The following SYNPO2 variants were observed in gnomAD, a reference collection of about 807,000 sequenced individuals.
SYNPO2 encodes synaptopodin 2, also known as synaptopodin-2.
A neutral mutation model predicts 85.0 loss-of-function variants in SYNPO2; 56 were observed. That is an observed-to-expected ratio of 0.66 (90% CI 0.53 to 0.82). SYNPO2 has a LOEUF of 0.82. Among genes scored for constraint, SYNPO2 ranks in the 40% least tolerant of loss-of-function variants. The probability of loss-of-function intolerance (pLI) is 0.00; values close to 1 mark genes in which losing one functional copy is unlikely to be tolerated. For missense variants in SYNPO2, 1,575 were observed against 1,534.2 expected, an observed-to-expected ratio of 1.03 and a Z score of -0.44; for synonymous variants, 602 against 591.1, an observed-to-expected ratio of 1.02 and a Z score of -0.27.
At chr4:118,953,054 A>G (rs992219076) in intron 1 of SYNPO2, among the ~76,000 whole-genome samples, 2 of 152,184 alleles carry the variant, frequency 1.3e-5, no homozygotes, top group African/African-American at 2.4e-5. Context: ...GAAAAGAAAG[A>G]AAACAAGATT....
rs58164872 is a variant in SYNPO2, at chr4:119,029,820, A to ATTT, written c.1070-14_1070-12dup. The ATTT allele has an allele frequency of 2.9e-3, 4,126 of 1,407,786 alleles. 3 individuals are homozygous for ATTT. The highest frequency in any genetic ancestry group is 0.012 in the African/African-American group (787 of 68,342). 87.2% of individuals were successfully genotyped at this position (1,407,786 alleles called of 1,614,324 possible). The stretch of plus-strand genomic sequence containing the variant: ...TCCTTGAACTCATCAGCTCAATATA[A>ATTT]TTTTTTTTTTTTTGCTTTCCCTAGG... On this transcript the variant is annotated intron_variant, in intron 3 of 4. Transcript: ENST00000307142.
chr4:118,884,703 AT>A (rs1254504057), upstream of SYNPO2, among the ~76,000 whole-genome samples: 2 of 152,252 alleles, frequency 1.3e-5, no homozygotes, highest in Non-Finnish European at 2.9e-5. Flanking sequence ...AAACAAAAAA[AT>A]AAATTAGAAC....
chr4:118,876,667 C>CCTTCCTTCCTTCCTTCCTTCCTT (rs1731917905), intron 1 of SYNPO2, among the ~76,000 whole-genome samples: 14 of 112,168 alleles, frequency 1.2e-4, no homozygotes, highest in African/African-American at 5.0e-4. Flanking sequence ...TCCTTCCTTT[C>CCTTCCTTCCTTCCTTCCTTCCTT]TCTTTCTTTC....
At chr4:118,999,054 C>T (rs984340087) in intron 1 of SYNPO2, among the ~76,000 whole-genome samples, 5 of 152,228 alleles carry the variant, frequency 3.3e-5, no homozygotes, top group African/African-American at 1.2e-4. Context: ...ATGGATTTAA[C>T]AGCCTTTACC....
At chr4:118,968,435 G>C (rs1735396102) in intron 1 of SYNPO2, among the ~76,000 whole-genome samples, 1 of 152,108 alleles carries the variant, frequency 6.6e-6, no homozygotes, top group African/African-American at 2.4e-5. Flanking sequence ...CATTTTCTCA[G>C]CCACTCCTGA....
chr4:118,933,829 G>GTTTTTTTTTTTTTTTT lies in SYNPO2; in HGVS notation c.105+44690_105+44705dup, dbSNP rs71595334. On this transcript the variant is annotated intron_variant, in intron 1 of 4. Coordinates refer to ENST00000307142, the MANE Select transcript of SYNPO2 (RefSeq NM_133477.3). ...ATAGCTGCTTTTTGCTGTTGTTGTT[G>GTTTTTTTTTTTTTTTT]TTTTTTTTTTTTTTTTTGGACAGTA... 1.5e-4 allele frequency among the ~76,000 whole-genome samples: 15 copies of GTTTTTTTTTTTTTTTT among 102,310 alleles called. 2 individuals carry two copies. Among genetic ancestry groups the GTTTTTTTTTTTTTTTT allele is most frequent in the East Asian group, 3.3e-4 (1 of 3,058 alleles). 67.1% of individuals were successfully genotyped at this position (102,310 alleles called of 152,430 possible). A position where few individuals can be genotyped will look rare whatever the true frequency, so the allele number is the denominator to read the frequency against.
In SYNPO2 at chr4:119,014,435, T is replaced by C. The variant is rs1398460906; in HGVS notation, c.106-8995T>C. Among the ~76,000 whole-genome samples the C allele has an allele frequency of 4.6e-5, 7 of 152,046 alleles. No individual in the cohort carries two copies. In the East Asian group the frequency reaches 1.2e-3, roughly 25 times the overall value. On this transcript the variant is annotated intron_variant, in intron 1 of 4. Transcript: ENST00000307142. ...TCTCAAAAATAAATAAATAAATAAA[T>C]AGATTTGTAGAAGTGGGAAATAATA...
At chr4:119,049,893 C>T (rs184445490) in intron 4 of SYNPO2, among the ~76,000 whole-genome samples, 6 of 152,286 alleles carry the variant, frequency 3.9e-5, no homozygotes, top group African/African-American at 9.6e-5. Context: ...CCCTACGGCC[C>T]GGTCACCTGC....
At chr4:118,973,053 T>C (rs934924912) in intron 1 of SYNPO2, among the ~76,000 whole-genome samples, 3 of 152,222 alleles carry the variant, frequency 2.0e-5, no homozygotes, top group Non-Finnish European at 2.9e-5. Context: ...TTTTGACTTA[T>C]GGTATTTTTT....
chr4:118,854,149 A>T (rs1731468562), intron 1 of SYNPO2, among the ~76,000 whole-genome samples: 1 of 152,180 alleles, frequency 6.6e-6, no homozygotes. Flanking sequence ...GCAATGGAAC[A>T]TAACTGCTAA....
intron 1 of SYNPO2, among the ~76,000 whole-genome samples, chr4:118,965,722 G>A (rs1298576153): frequency 6.6e-6 from 1 of 152,128 alleles, no homozygotes; most frequent in Admixed American, 6.5e-5. Flanking sequence ...ATAAAACCGT[G>A]TACAAGATGG....
intron 1 of SYNPO2, among the ~76,000 whole-genome samples, chr4:119,014,500 T>A (rs1285836018): frequency 6.6e-6 from 1 of 152,122 alleles, no homozygotes; most frequent in Non-Finnish European, 1.5e-5. Context: ...TACAATACGG[T>A]TTTTCATAAA....
chr4:119,014,411 C>G (rs772589208), intron 1 of SYNPO2, among the ~76,000 whole-genome samples: 36 of 152,096 alleles, frequency 2.4e-4, no homozygotes, highest in Middle Eastern at 3.4e-3. Flanking sequence ...GAGACTCCAT[C>G]TCAAAAATAA....
chr4:118,981,996 T>G (rs776875251), intron 1 of SYNPO2, among the ~76,000 whole-genome samples: 63 of 152,266 alleles, frequency 4.1e-4, no homozygotes, highest in Non-Finnish European at 4.3e-4. Flanking sequence ...GAGAGTGTGT[T>G]TTGACCAACT....
chr4:118,952,233 T>C (rs576482042), intron 1 of SYNPO2, among the ~76,000 whole-genome samples: 1 of 152,338 alleles, frequency 6.6e-6, no homozygotes, highest in South Asian at 2.1e-4. Flanking sequence ...TCCACAGCAA[T>C]AGGTATTTTC....
intron 4 of SYNPO2, among the ~76,000 whole-genome samples, chr4:119,056,958 C>G (rs1049927184): frequency 6.6e-6 from 1 of 152,064 alleles, no homozygotes; most frequent in East Asian, 1.9e-4. Context: ...CTGAGGTTAT[C>G]AATAGGTTTT....
chr4:118,928,369 T>C (rs182094589), intron 1 of SYNPO2, among the ~76,000 whole-genome samples: 30 of 152,310 alleles, frequency 2.0e-4, no homozygotes, highest in African/African-American at 6.3e-4. Context: ...GTCAGAAATG[T>C]TGATCCTTGA....
At chr4:118,933,927 C>A (rs1206908732) in intron 1 of SYNPO2, among the ~76,000 whole-genome samples, 1 of 134,988 alleles carries the variant, frequency 7.4e-6, no homozygotes, top group Non-Finnish European at 1.5e-5. Flanking sequence ...TGCTTTAGAT[C>A]TTTAAATTCT....
chr4:118,974,252 A>T (rs1735643606), intron 1 of SYNPO2, among the ~76,000 whole-genome samples: 1 of 152,274 alleles, frequency 6.6e-6, no homozygotes, highest in South Asian at 2.1e-4. Context: ...AATCTCACAC[A>T]GGTATTGTAT....
Sources: gnomAD v4.1 joint callset for allele counts (sites outside exome capture counted in the v4.1 genomes callset) on GRCh38, gnomAD v4.1.1 for gene constraint, MANE v1.5 for transcripts, NCBI Gene and HGNC (gene_info 2026-07-23, HGNC 2026-07-21) for gene names.